TSR1: variants seen among roughly 807,000 people sequenced by gnomAD.
TSR1 encodes TSR1 ribosome maturation factor, also known as pre-rRNA-processing protein TSR1 homolog.
Under a neutral mutation model 90.9 loss-of-function variants are expected in TSR1, and 81 were observed. The ratio of observed to expected loss-of-function variants is 0.89; its 90% confidence interval spans 0.74 to 1.07. The LOEUF (loss-of-function observed/expected upper bound fraction) is 1.07, where lower values mean the gene tolerates loss of function less well. Ranked by LOEUF, TSR1 falls within the 50% of genes least tolerant of loss-of-function variation. TSR1 has a pLI of 0.00. For synonymous variants in TSR1, 362 were observed against 348.8 expected (o/e 1.04, Z -0.42); for missense variants, 989 against 987.3 (o/e 1.00, Z -0.02).
intron 11 of TSR1, 116 bp downstream of exon 11, chr17:2,329,227 A>G (rs771007575): frequency 6.7e-7 from 1 of 1,491,940 alleles, no homozygotes. Context: ...GAGTACTGAA[A>G]ATACCTCTAA....
intron 11 of TSR1, 59 bp downstream of exon 11, chr17:2,329,284 C>A: frequency 6.2e-7 from 1 of 1,611,598 alleles, no homozygotes; most frequent in Non-Finnish European, 8.5e-7. Context: ...CACCCCTCCA[C>A]CACAAGTCAC....
intron 6 of TSR1, 30 bp downstream of exon 6, chr17:2,333,527 T>C (rs1474171817): frequency 1.2e-6 from 2 of 1,613,518 alleles, no homozygotes; most frequent in East Asian, 2.2e-5. Context: ...CCAGGTCAGA[T>C]GAATTACAGA....
chr17:2,328,513 C>T (rs2075586923), intron 11 of TSR1, among the ~76,000 whole-genome samples: 1 of 150,736 alleles, frequency 6.6e-6, no homozygotes, highest in South Asian at 2.1e-4. Flanking sequence ...TGCTTGAACC[C>T]GGGAGGCGGA....
chr17:2,322,975 G>A lies in TSR1; in HGVS notation c.*1221C>T, dbSNP rs1382820170. On this transcript the variant is annotated 3_prime_UTR_variant, in exon 15 of 15. Transcript: ENST00000301364. ...ACACTGCATTTCACCAGGTTGGCCA[G>A]GCTGGTCTTGAACTCCTGACCTCAG... is the stretch of plus-strand genomic sequence containing the variant. 3 of 649,952 alleles carry A rather than the reference G, an allele frequency of 4.6e-6. No individual in the cohort carries two copies. Among genetic ancestry groups the A allele is most frequent in the Non-Finnish European group, 7.9e-6 (3 of 379,422 alleles). The allele number at this position is 649,952 out of a possible 1,614,324, so 40.3% of individuals were successfully genotyped here. A position where few individuals can be genotyped will look rare whatever the true frequency, so the allele number is the denominator to read the frequency against.
intron 11 of TSR1, among the ~76,000 whole-genome samples, chr17:2,325,775 G>A (rs2075573093): frequency 6.6e-6 from 1 of 151,896 alleles, no homozygotes; most frequent in South Asian, 2.1e-4. Context: ...ACCACGCCCG[G>A]CTAATTTTTG....
chr17:2,329,939 A>G (rs565311969), intron 10 of TSR1, among the ~76,000 whole-genome samples: 9 of 151,430 alleles, frequency 5.9e-5, no homozygotes, highest in Non-Finnish European at 8.8e-5. Context: ...TTTTTTTGAC[A>G]TAAGAGTTTC....
chr17:2,326,228 G>C (rs2075575276), intron 11 of TSR1, among the ~76,000 whole-genome samples: 1 of 152,114 alleles, frequency 6.6e-6, no homozygotes. Context: ...CTCACTTAGA[G>C]ATTGTGATTC....
chr17:2,335,522 G>A lies in TSR1; in HGVS notation c.410C>T (p.Ser137Leu), dbSNP rs1473458940. ...GTGTATACTCTAACCTGGCCTTGCTGAGGTGAAAAACCACCGATGTTTCAA... is the reference window on the plus strand; with the variant it reads ...GTGTATACTCTAACCTGGCCTTGCTAAGGTGAAAAACCACCGATGTTTCAA... The part of the protein sequence containing the change: ...PRLKHRWFFT[S>L]ARPGDLHVVL... The change falls in exon 3 of 15, where the codon TCA becomes TTA. Residue 137 changes from serine (S) to leucine (L), a missense_variant. Physicochemically the swap from Ser to Leu is moderately radical, Grantham distance 145 (BLOSUM62 -2). Transcript: ENST00000301364. 1.2e-6 allele frequency: 2 copies of A among 1,613,834 alleles called. No homozygotes were observed. Among genetic ancestry groups the A allele is most frequent in the Non-Finnish European group, 1.7e-6 (2 of 1,179,986 alleles).
intron 4 of TSR1, 133 bp from the exon 5 acceptor site, chr17:2,335,029 G>T: frequency 8.9e-7 from 1 of 1,123,556 alleles, no homozygotes. Context: ...GAACTACCCT[G>T]AAGGAATTTC....
chr17:2,332,244 T>G lies in TSR1; in HGVS notation c.1421A>C (p.Lys474Thr), dbSNP rs147270109. The G allele has an allele frequency of 2.5e-6, 4 of 1,614,056 alleles. No individual in the cohort carries two copies. Among genetic ancestry groups the G allele is most frequent in the African/African-American group, 2.7e-5 (2 of 74,922 alleles). The change falls in exon 8 of 15, where the codon AAA becomes ACA. Residue 474 changes from lysine to threonine, a missense_variant. Lys to Thr is a moderately conservative substitution (Grantham distance 78). Transcript: ENST00000301364. ...DEEAEAKMLEKYKQERLEEMF... is the reference protein window; with the variant it reads ...DEEAEAKMLETYKQERLEEMF... ...CTCTTCCAGTCTTTCTTGTTTATAT[T>G]TCTCCAACATTTTTGCCTCAGCTTC...
intron 4 of TSR1, 148 bp downstream of exon 4, chr17:2,335,112 G>A (rs1397396165): frequency 1.9e-6 from 2 of 1,074,348 alleles, no homozygotes; most frequent in Admixed American, 2.8e-5. Flanking sequence ...CACCCTGAGT[G>A]ATAATCTGTA....
chr17:2,328,712 A>C (rs569638472), intron 11 of TSR1, among the ~76,000 whole-genome samples: 124 of 151,696 alleles, frequency 8.2e-4, no homozygotes, highest in Non-Finnish European at 4.1e-4. Flanking sequence ...GTCAGGAGAT[A>C]GAGACCATCC....
chr17:2,329,501 A>G (rs188235574), intron 10 of TSR1, 26 bp from the exon 11 acceptor site: 2 of 1,612,764 alleles, frequency 1.2e-6, no homozygotes, highest in Non-Finnish European at 1.7e-6. Flanking sequence ...GAAAAACAAA[A>G]ATCTTCATAG....
Position 2,325,428 on chromosome 17 carries a change from A to C in TSR1, c.1904-8T>G. 1.2e-6 allele frequency: 2 copies of C among 1,602,032 alleles called. No homozygotes were observed. Reference sequence around the variant, plus strand: ...GCAATTTATGTTTGTCCGCTGCCATAAGGGTTAAAAAATGAAAAGCAAAAC... The same window carrying C: ...GCAATTTATGTTTGTCCGCTGCCATCAGGGTTAAAAAATGAAAAGCAAAAC... On this transcript the variant is annotated splice_region_variant and splice_polypyrimidine_tract_variant and intron_variant, in intron 11 of 14. Coordinates refer to ENST00000301364, the MANE Select transcript of TSR1 (RefSeq NM_018128.5).
chr17:2,333,369 A>AT (rs1267873429), intron 6 of TSR1, 188 bp downstream of exon 6: 2 of 896,996 alleles, frequency 2.2e-6, no homozygotes, highest in African/African-American at 3.3e-5. Context: ...AACACAAGTA[A>AT]TTTTGAGAAA....
rs746124918 is a variant in TSR1 at position 2,333,624 on chromosome 17, C to A, written c.1074G>T (p.Glu358Asp). The part of the protein sequence containing the change: ...DPGRQESLQA[E>D]VIPDPMEGEQ... ...CTCCCTCCATTGGATCTGGGATAAC[C>A]TCTGCTTGCAAGGATTCCTGTCTAC... Residue 358 changes from glutamate to aspartate, a missense_variant, in exon 6 of 15, where the codon GAG (glutamate) becomes GAT (aspartate). Coordinates refer to ENST00000301364, the MANE Select transcript of TSR1 (RefSeq NM_018128.5). 5.0e-6 allele frequency: 8 copies of A among 1,614,048 alleles called. No homozygotes were observed. The Admixed American group carries it at 6.7e-5, about 13-fold the overall frequency.
intron 12 of TSR1, 124 bp downstream of exon 12, chr17:2,325,180 G>T: frequency 1.4e-6 from 1 of 736,592 alleles, no homozygotes; most frequent in Non-Finnish European, 2.2e-6. Flanking sequence ...AAGACTTACT[G>T]TATTTTGAAA....
At position 2,335,414 on chromosome 17, in the gene TSR1, T is replaced by C; in HGVS notation, c.422-20A>G. On this transcript the variant is annotated intron_variant, in intron 3 of 14. Transcript: ENST00000301364. ...GATCCCCTGCAGATAGAAGACACAG[T>C]AAGAAGAGGTGGTTGGCACCAGCAC... The C allele has an allele frequency of 6.3e-7, 1 of 1,596,516 alleles. No individual in the cohort carries two copies. Among genetic ancestry groups the C allele is most frequent in the South Asian group, 1.1e-5 (1 of 89,778 alleles).
Position 2,333,675 on chromosome 17 carries a change from A to C in TSR1, c.1023T>G (p.Leu341=). 6.2e-7 allele frequency: 1 copy of C among 1,614,058 alleles called. No homozygotes were observed. Among genetic ancestry groups the C allele is most frequent in the Non-Finnish European group, 8.5e-7 (1 of 1,180,018 alleles). ...TDAVDDMEEG[L]KVLMKADPGR... Reference sequence around the variant, plus strand: ...CAGGGTCTGCCTTCATTAGGACTTTAAGACCTTCTTCCATATCATCTACAG... The same window carrying C: ...CAGGGTCTGCCTTCATTAGGACTTTCAGACCTTCTTCCATATCATCTACAG... Residue 341 remains leucine, a synonymous_variant, in exon 6 of 15, where the codon CTT becomes CTG. Transcript: ENST00000301364.
Sources: gnomAD v4.1 joint callset for allele counts (sites outside exome capture counted in the v4.1 genomes callset) on GRCh38, gnomAD v4.1.1 for gene constraint, MANE v1.5 for transcripts, NCBI Gene and HGNC (gene_info 2026-07-23, HGNC 2026-07-21) for gene names.